Variants in FGF14 observed in about 807,000 individuals in gnomAD.
FGF14 encodes the protein fibroblast growth factor homologous factor 4.
A neutral mutation model predicts 25.5 loss-of-function variants in FGF14; 5 were observed. That is an observed-to-expected ratio of 0.20 (90% CI 0.10 to 0.41). The LOEUF (loss-of-function observed/expected upper bound fraction) is 0.41. FGF14 is among the 10% of genes least tolerant of loss of function. The pLI, the probability that FGF14 is intolerant of heterozygous loss-of-function variation, is 1.00. For missense variants in FGF14, 222 were observed against 320.1 expected (o/e 0.69, Z 2.34); for synonymous variants, 138 against 118.3 (o/e 1.17, Z -1.08).
Position 101,712,754 on chromosome 13 carries a change from C to T in FGF14, c.*10077G>A, listed in dbSNP as rs1288368402. On this transcript the variant is annotated 3_prime_UTR_variant, in exon 5 of 5. Coordinates refer to ENST00000376143, the MANE Select transcript of FGF14 (RefSeq NM_004115.4). Reference sequence around the variant, plus strand: ...TATCACTATCCATTTGTTAAACAAGCAGTAGAGTGCTGTACATTTTTTTAT... The same window carrying T: ...TATCACTATCCATTTGTTAAACAAGTAGTAGAGTGCTGTACATTTTTTTAT... The T allele has an allele frequency of 2.6e-5, 4 of 152,134 alleles. No individual in the cohort carries two copies. Among genetic ancestry groups the T allele is most frequent in the Non-Finnish European group, 5.9e-5 (4 of 68,030 alleles). 9.4% of individuals were successfully genotyped at this position (152,134 alleles called of 1,614,324 possible). A position where few individuals can be genotyped will look rare whatever the true frequency, so the allele number is the denominator to read the frequency against.
At chr13:102,362,025 ATCT>A (rs1360707055) in intron 1 of FGF14, among the ~76,000 whole-genome samples, 24 of 152,176 alleles carry the variant, frequency 1.6e-4, no homozygotes, top group African/African-American at 5.3e-4. Flanking sequence ...TCAGGACTTC[ATCT>A]TCTTATTTGA....
chr13:102,212,934 A>C lies in FGF14; in HGVS notation c.208+188537T>G, dbSNP rs1381702074. On this transcript the variant is annotated intron_variant, in intron 1 of 4. Transcript: ENST00000376131. ...GTGACTCCACTTCCCCACCCCCCAC[A>C]GTGCAAAACACTTAGCTTTCTGCAA... Among the ~76,000 whole-genome samples, 3 of 152,194 alleles carry C rather than the reference A, an allele frequency of 2.0e-5. No individual in the cohort carries two copies. The East Asian group carries it at 5.8e-4, about 29-fold the overall frequency.
chr13:101,881,298 A>G (rs970082981), intron 1 of FGF14, among the ~76,000 whole-genome samples: 1 of 152,190 alleles, frequency 6.6e-6, no homozygotes, highest in Non-Finnish European at 1.5e-5. Context: ...AAATTTTCTC[A>G]TTGCAAAGTT....
chr13:102,375,320 C>G (rs1419205557), intron 1 of FGF14, among the ~76,000 whole-genome samples: 2 of 152,136 alleles, frequency 1.3e-5, no homozygotes, highest in African/African-American at 4.8e-5. Context: ...ATTTTGTGCT[C>G]CTGTATCCTG....
chr13:101,954,109 C>T lies in FGF14; in HGVS notation c.209-78813G>A, dbSNP rs988203832. The stretch of plus-strand genomic sequence containing the variant: ...TTGAAGAAGCAGGTAAAAGCAAGGT[C>T]GGATTAGGTTTTACTGCTCCATGGT... On this transcript the variant is annotated intron_variant, in intron 1 of 4. Transcript: ENST00000376131. Among the ~76,000 whole-genome samples, 5 of 152,074 alleles carry T rather than the reference C, an allele frequency of 3.3e-5. No homozygotes were observed. The South Asian group carries it at 8.3e-4, about 25-fold the overall frequency.
At chr13:102,159,926 C>T (rs2047544201) in intron 1 of FGF14, among the ~76,000 whole-genome samples, 1 of 152,078 alleles carries the variant, frequency 6.6e-6, no homozygotes, top group Non-Finnish European at 1.5e-5. Flanking sequence ...TTATTTTTTC[C>T]AATCAGCACT....
At chr13:101,875,328 A>G (rs1383868784) in intron 1 of FGF14, 32 bp from the exon 2 acceptor site, 1 of 1,380,974 alleles carries the variant, frequency 7.2e-7, no homozygotes, top group Admixed American at 1.7e-5. Context: ...CATAAGCCTC[A>G]CAATGTGTCA....
At chr13:101,866,342 T>G (rs1252821007) in intron 3 of FGF14, among the ~76,000 whole-genome samples, 1 of 152,096 alleles carries the variant, frequency 6.6e-6, no homozygotes, top group East Asian at 1.9e-4. Flanking sequence ...AAAGCAGTGA[T>G]AATAAAACAG....
intron 1 of FGF14, among the ~76,000 whole-genome samples, chr13:102,132,507 CTTTCTTTCT>C (rs964047765): frequency 2.8e-5 from 3 of 108,444 alleles, no homozygotes; most frequent in Admixed American, 1.1e-4. Context: ...ACTTTTCTTT[CTTTCTTTCT>C]TTTTTTTTTT....
At chr13:102,364,820 C>T (rs187445895) in intron 1 of FGF14, among the ~76,000 whole-genome samples, 8 of 152,222 alleles carry the variant, frequency 5.3e-5, no homozygotes, top group Non-Finnish European at 1.0e-4. Context: ...CACAACACAG[C>T]GCAAAAACAA....
intron 1 of FGF14, among the ~76,000 whole-genome samples, chr13:102,258,827 G>T (rs773519783): frequency 6.6e-6 from 1 of 152,110 alleles, no homozygotes; most frequent in Non-Finnish European, 1.5e-5. Context: ...AAGTAGGTTT[G>T]GGACAAATAC....
At chr13:101,921,521 T>C (rs926134768), upstream of FGF14, among the ~76,000 whole-genome samples, 1 of 152,218 alleles carries the variant, frequency 6.6e-6, no homozygotes, top group African/African-American at 2.4e-5. Flanking sequence ...TATATATTTG[T>C]GTAAGATCTA....
chr13:102,179,493 A>G (rs1780957772), intron 1 of FGF14, among the ~76,000 whole-genome samples: 1 of 152,094 alleles, frequency 6.6e-6, no homozygotes, highest in Non-Finnish European at 1.5e-5. Flanking sequence ...GGTACCTTTT[A>G]ACACCACCAC....
At chr13:101,848,854 TAA>T in intron 3 of FGF14, among the ~76,000 whole-genome samples, 1 of 152,052 alleles carries the variant, frequency 6.6e-6, no homozygotes, top group East Asian at 1.9e-4. Context: ...AATAAAAAAA[TAA>T]AAGTCTGTTT....
chr13:101,965,042 A>G (rs34874404), intron 1 of FGF14, among the ~76,000 whole-genome samples: 28,337 of 151,904 alleles, frequency 0.19, 2,925 homozygotes, highest in Admixed American at 0.31. Flanking sequence ...AGGAGTTCAA[A>G]ATCCGCCTGG....
intron 1 of FGF14, among the ~76,000 whole-genome samples, chr13:102,227,608 G>C (rs991510442): frequency 2.0e-5 from 3 of 152,018 alleles, no homozygotes; most frequent in African/African-American, 7.3e-5. Flanking sequence ...ACAACTCTAT[G>C]CAACGTCAGT....
chr13:101,984,240 T>C (rs1411280371), intron 1 of FGF14, among the ~76,000 whole-genome samples: 2 of 152,164 alleles, frequency 1.3e-5, no homozygotes, highest in African/African-American at 4.8e-5. Flanking sequence ...GTGATGCTTT[T>C]TCATTTGGCA....
intron 1 of FGF14, among the ~76,000 whole-genome samples, chr13:102,210,873 G>T (rs2050128568): frequency 6.6e-6 from 1 of 152,152 alleles, no homozygotes; most frequent in Admixed American, 6.5e-5. Flanking sequence ...GCATGGTATG[G>T]AGTCAAAATA....
At chr13:101,962,033 C>T (rs566084574) in intron 1 of FGF14, among the ~76,000 whole-genome samples, 2 of 150,564 alleles carry the variant, frequency 1.3e-5, no homozygotes, top group African/African-American at 4.9e-5. Context: ...TTAGGATTGT[C>T]TTGTTTATAC....
Sources: gnomAD v4.1 joint callset for allele counts (sites outside exome capture counted in the v4.1 genomes callset) on GRCh38, gnomAD v4.1.1 for gene constraint, MANE v1.5 for transcripts, NCBI Gene and HGNC (gene_info 2026-07-23, HGNC 2026-07-21) for gene names.